Variants in MGAT4C observed in about 807,000 individuals in gnomAD.
MGAT4C encodes alpha-1,3-mannosyl-glycoprotein 4-beta-N-acetylglucosaminyltransferase C.
In MGAT4C, 19 loss-of-function variants were observed where a neutral mutation model predicts 40.1. That is an observed-to-expected ratio of 0.47 (90% CI 0.33 to 0.70). The LOEUF (loss-of-function observed/expected upper bound fraction) is 0.70, where lower values mean the gene tolerates loss of function less well. Among genes scored for constraint, MGAT4C ranks in the 30% least tolerant of loss-of-function variants. The pLI, the probability that MGAT4C is intolerant of heterozygous loss-of-function variation, is 0.02. For missense variants in MGAT4C, 491 were observed against 563.2 expected (o/e 0.87, Z 1.30); for synonymous variants, 181 against 187.1 (o/e 0.97, Z 0.27).
At chr12:86,171,715 A>G (rs1463124208) in intron 1 of MGAT4C, among the ~76,000 whole-genome samples, 1 of 152,180 alleles carries the variant, frequency 6.6e-6, no homozygotes, top group Admixed American at 6.5e-5. Context: ...AGTCATAATT[A>G]CATTATAGAA....
chr12:86,619,732 T>TAA (rs1258927158), intron 2 of MGAT4C, among the ~76,000 whole-genome samples: 2 of 152,050 alleles, frequency 1.3e-5, no homozygotes, highest in Non-Finnish European at 2.9e-5. Flanking sequence ...TTTCATCTGT[T>TAA]AAAAAATACT....
chr12:86,584,881 G>T (rs1379279449), intron 2 of MGAT4C, among the ~76,000 whole-genome samples: 1 of 134,800 alleles, frequency 7.4e-6, no homozygotes, highest in Non-Finnish European at 1.6e-5. Flanking sequence ...ATAGTCATTT[G>T]CATTTTCTCT....
rs374603397 is a variant in MGAT4C at position 86,037,264 on chromosome 12, AAG to A, written c.-7+12408_-7+12409del. Reference sequence around the variant, plus strand: ...AGCTCCTGGATTCATTGATTTTTTGAAGAGTTTTTCGTGTTTCTATCTCCTTC... The same window carrying A: ...AGCTCCTGGATTCATTGATTTTTTGAAGTTTTTCGTGTTTCTATCTCCTTC... On this transcript the variant is annotated intron_variant, in intron 2 of 4. Transcript: ENST00000611864. Among the ~76,000 whole-genome samples, 201 of 149,734 alleles carry A rather than the reference AAG, an allele frequency of 1.3e-3. 3 individuals carry two copies. The highest frequency in any genetic ancestry group is 4.6e-3 in the African/African-American group (188 of 41,272).
intron 1 of MGAT4C, among the ~76,000 whole-genome samples, chr12:86,114,326 T>G (rs1168891529): frequency 2.6e-5 from 4 of 151,922 alleles, no homozygotes. Flanking sequence ...GGGTATGAAT[T>G]CTTATTATTG....
chr12:86,044,014 A>G (rs6539938), intron 2 of MGAT4C, among the ~76,000 whole-genome samples: 31,149 of 152,080 alleles, frequency 0.2, 3,763 homozygotes, highest in Non-Finnish European at 0.28. Flanking sequence ...TGTTTCTTCA[A>G]TCTTAGAAGT....
chr12:86,169,991 C>T (rs547536957), intron 1 of MGAT4C, among the ~76,000 whole-genome samples: 2 of 152,190 alleles, frequency 1.3e-5, no homozygotes, highest in East Asian at 1.9e-4. Context: ...AAAGCATGTG[C>T]GATTTATTAC....
At chr12:86,509,420 A>ATCTCTGTT (rs1335361685) in intron 2 of MGAT4C, among the ~76,000 whole-genome samples, 1 of 152,116 alleles carries the variant, frequency 6.6e-6, no homozygotes, top group African/African-American at 2.4e-5. Context: ...ATTGATCTAT[A>ATCTCTGTT]TCTCTGTTTT....
chr12:86,641,863 G>A (rs1032186077), intron 2 of MGAT4C, among the ~76,000 whole-genome samples: 3 of 151,842 alleles, frequency 2.0e-5, no homozygotes, highest in Non-Finnish European at 4.4e-5. Flanking sequence ...GTGAAATAAT[G>A]TATGGAGAAA....
chr12:86,407,704 G>T (rs1472387645), intron 3 of MGAT4C, among the ~76,000 whole-genome samples: 1 of 151,944 alleles, frequency 6.6e-6, no homozygotes, highest in East Asian at 1.9e-4. Context: ...TATTCTGTAT[G>T]AATTTGTGAA....
rs559395601 is a variant in MGAT4C at position 86,178,796 on chromosome 12, A to G, written c.-57+77443T>C. ...TATCAGTCATGTCCTCAGCTTTTTA[A>G]TTTTTTGGCCAGTATGTTTCTCAAT... On this transcript the variant is annotated intron_variant, in intron 1 of 4. Coordinates refer to ENST00000611864, the MANE Select transcript of MGAT4C (RefSeq NM_001351288.2). Among the ~76,000 whole-genome samples, 4 of 152,192 alleles carry G rather than the reference A, an allele frequency of 2.6e-5. No individual in the cohort carries two copies. In the East Asian group the frequency reaches 7.7e-4, roughly 29 times the overall value.
At chr12:86,147,520 C>T (rs896896798) in intron 1 of MGAT4C, among the ~76,000 whole-genome samples, 1 of 152,176 alleles carries the variant, frequency 6.6e-6, no homozygotes, top group East Asian at 1.9e-4. Flanking sequence ...GGATTACAGG[C>T]GTGAGCCACC....
At chr12:86,764,012 G>C (rs1951452610) in intron 1 of MGAT4C, among the ~76,000 whole-genome samples, 1 of 152,100 alleles carries the variant, frequency 6.6e-6, no homozygotes, top group African/African-American at 2.4e-5. Context: ...GACAGTTGGT[G>C]CGGGGCAGTG....
At chr12:86,686,858 T>A (rs1950081128) in intron 2 of MGAT4C, among the ~76,000 whole-genome samples, 1 of 152,258 alleles carries the variant, frequency 6.6e-6, no homozygotes, top group African/African-American at 2.4e-5. Context: ...ATACAATGTG[T>A]TAGGGAGGAG....
At chr12:86,635,949 T>C (rs1327291849) in intron 2 of MGAT4C, among the ~76,000 whole-genome samples, 1 of 152,002 alleles carries the variant, frequency 6.6e-6, no homozygotes, top group African/African-American at 2.4e-5. Flanking sequence ...CCCAGTGTGC[T>C]GAGATTACAG....
intron 2 of MGAT4C, among the ~76,000 whole-genome samples, chr12:86,039,240 T>C (rs1324211537): frequency 1.3e-5 from 2 of 152,202 alleles, no homozygotes; most frequent in Non-Finnish European, 2.9e-5. Context: ...ATGTTCTCTC[T>C]GTTTCCTGAA....
intron 1 of MGAT4C, among the ~76,000 whole-genome samples, chr12:86,080,482 A>G (rs1237923966): frequency 6.6e-6 from 1 of 152,184 alleles, no homozygotes; most frequent in East Asian, 1.9e-4. Context: ...AATACCTGAA[A>G]ATATGTGAAG....
At chr12:86,439,238 C>T (rs1382809460) in intron 2 of MGAT4C, among the ~76,000 whole-genome samples, 1 of 151,962 alleles carries the variant, frequency 6.6e-6, no homozygotes, top group Non-Finnish European at 1.5e-5. Flanking sequence ...CAAAGCAATT[C>T]TCAATAAATT....
chr12:86,793,337 G>GT (rs1315731118), intron 1 of MGAT4C, among the ~76,000 whole-genome samples: 3 of 152,052 alleles, frequency 2.0e-5, no homozygotes, highest in African/African-American at 7.2e-5. Flanking sequence ...AGTGTAAATT[G>GT]TAAGTGAATG....
rs996444562 is a variant in MGAT4C, at chr12:85,962,669, AC to A, written c.*16619del. On this transcript the variant is annotated 3_prime_UTR_variant, in exon 5 of 5. Coordinates refer to ENST00000611864, the MANE Select transcript of MGAT4C (RefSeq NM_001351288.2). ...CAACTTGTAATGAACTGTAAACTTCACCCATAACATTATTAATATATCAGTG... is the reference window on the plus strand; with the variant it reads ...CAACTTGTAATGAACTGTAAACTTCACCATAACATTATTAATATATCAGTG... The A allele has an allele frequency of 2.6e-5, 4 of 151,106 alleles. No homozygotes were observed. Among genetic ancestry groups the A allele is most frequent in the African/African-American group, 9.7e-5 (4 of 41,364 alleles). 9.4% of individuals were successfully genotyped at this position (151,106 alleles called of 1,614,324 possible).
Sources: gnomAD v4.1 joint callset for allele counts (sites outside exome capture counted in the v4.1 genomes callset) on GRCh38, gnomAD v4.1.1 for gene constraint, MANE v1.5 for transcripts, NCBI Gene and HGNC (gene_info 2026-07-23, HGNC 2026-07-21) for gene names.